The following SLC25A48 variants were observed in gnomAD, a reference collection of about 807,000 sequenced individuals.
SLC25A48 encodes the protein solute carrier family 25 member 48.
Under a neutral mutation model 32.2 loss-of-function variants are expected in SLC25A48, and 29 were observed. The observed-to-expected ratio is 0.90, with a 90% confidence interval of 0.67 to 1.23. The LOEUF is 1.23. Ranked by LOEUF, SLC25A48 falls within the 50% of genes most tolerant of loss-of-function variation. The probability of loss-of-function intolerance (pLI) is 0.00; values close to 1 mark genes in which losing one functional copy is unlikely to be tolerated. For synonymous variants in SLC25A48, 164 were observed against 172.3 expected, an observed-to-expected ratio of 0.95 and a Z score of 0.38; for missense variants, 399 against 422.7, an observed-to-expected ratio of 0.94 and a Z score of 0.49.
chr5:135,849,722 A>G (rs1759682822), intron 2 of SLC25A48, among the ~76,000 whole-genome samples: 1 of 152,206 alleles, frequency 6.6e-6, no homozygotes, highest in Non-Finnish European at 1.5e-5. Flanking sequence ...AGCTGGAGGA[A>G]GAGCCTTCCA....
At chr5:135,587,836 A>T (rs570785246) in intron 1 of SLC25A48, among the ~76,000 whole-genome samples, 1 of 152,240 alleles carries the variant, frequency 6.6e-6, no homozygotes, top group Non-Finnish European at 1.5e-5. Flanking sequence ...ACATAATGGA[A>T]TCATATCAAA....
intron 3 of SLC25A48, among the ~76,000 whole-genome samples, chr5:135,665,500 A>G (rs1753501024): frequency 6.6e-6 from 1 of 151,974 alleles, no homozygotes; most frequent in South Asian, 2.1e-4. Flanking sequence ...TTAGTCATGA[A>G]TTCTTTGCCA....
At chr5:135,730,762 G>A (rs116010637) in intron 3 of SLC25A48, among the ~76,000 whole-genome samples, 1,697 of 152,274 alleles carry the variant, frequency 0.011, 31 homozygotes, top group African/African-American at 0.039. Flanking sequence ...ATAATGATAT[G>A]GACAAGAAAT....
chr5:135,679,029 G>C (rs562746684), intron 3 of SLC25A48, among the ~76,000 whole-genome samples: 1 of 152,292 alleles, frequency 6.6e-6, no homozygotes, highest in Non-Finnish European at 1.5e-5. Flanking sequence ...AGCTTGCTTG[G>C]GTGCTGGTAG....
intron 1 of SLC25A48, among the ~76,000 whole-genome samples, chr5:135,841,350 T>A (rs1014185210): frequency 1.1e-4 from 17 of 152,372 alleles, no homozygotes; most frequent in Admixed American, 6.5e-5. Context: ...TTCTGTAGGA[T>A]GTCTTCACTT....
intron 1 of SLC25A48, among the ~76,000 whole-genome samples, chr5:135,611,705 C>T (rs1406782233): frequency 1.3e-5 from 2 of 152,054 alleles, no homozygotes; most frequent in African/African-American, 4.8e-5. Flanking sequence ...GTGTGAGACT[C>T]TGTCTCAAAA....
intron 3 of SLC25A48, among the ~76,000 whole-genome samples, chr5:135,811,827 A>C (rs553319991): frequency 1.3e-5 from 2 of 152,222 alleles, no homozygotes; most frequent in Admixed American, 6.5e-5. Context: ...CATGCCTATA[A>C]GCTCAGCACT....
intron 3 of SLC25A48, among the ~76,000 whole-genome samples, chr5:135,766,369 T>A (rs1012076239): frequency 1.3e-5 from 2 of 150,994 alleles, no homozygotes; most frequent in African/African-American, 4.9e-5. Flanking sequence ...GGGGGAAGAA[T>A]GATATTACTC....
rs114191066 is a variant in SLC25A48, at chr5:135,796,030, C to T, written c.-520-16493C>T. 8.1e-3 allele frequency among the ~76,000 whole-genome samples: 1,190 copies of T among 147,734 alleles called. 9 individuals carry two copies. The highest frequency in any genetic ancestry group is 0.026 in the African/African-American group (1,038 of 40,286). ...CGCGAGGGGGGGGTGGGTGTAACTG[C>T]CCACTTATGATATTGTTCCTAATAT... On this transcript the variant is annotated intron_variant, in intron 3 of 10. Coordinates refer to the SLC25A48 transcript ENST00000646290.
chr5:135,805,695 G>T lies in SLC25A48; in HGVS notation c.-520-6828G>T, dbSNP rs191108482. Among the ~76,000 whole-genome samples the T allele has an allele frequency of 5.3e-3, 809 of 151,508 alleles. 3 individuals carry two copies. Among genetic ancestry groups the T allele is most frequent in the Middle Eastern group, 0.017 (5 of 292 alleles). ...GATATTATTCATAATATCTTAAGGG[G>T]ATATTACTTCTAATATCCCAGTGGG... On this transcript the variant is annotated intron_variant, in intron 3 of 10. Coordinates refer to the SLC25A48 transcript ENST00000646290.
chr5:135,827,340 C>G (rs533654062), intron 4 of SLC25A48: 43 of 152,418 alleles, frequency 2.8e-4, no homozygotes, highest in African/African-American at 1.0e-3. Flanking sequence ...ATGCCCTCAC[C>G]TGCTCACATG....
intron 3 of SLC25A48, among the ~76,000 whole-genome samples, chr5:135,795,381 T>C (rs1757142564): frequency 6.6e-6 from 1 of 151,834 alleles, no homozygotes; most frequent in Admixed American, 6.6e-5. Context: ...GAAAATAATA[T>C]TAATCCCAAT....
intron 1 of SLC25A48, among the ~76,000 whole-genome samples, chr5:135,600,047 C>T (rs1041388212): frequency 2.0e-5 from 3 of 152,286 alleles, no homozygotes; most frequent in Middle Eastern, 3.4e-3. Context: ...CTCAATATCT[C>T]ACTCATCACT....
intron 3 of SLC25A48, among the ~76,000 whole-genome samples, chr5:135,776,916 T>A (rs1756578722): frequency 6.6e-6 from 1 of 151,968 alleles, no homozygotes; most frequent in Non-Finnish European, 1.5e-5. Context: ...CTGCAAATAT[T>A]GCAGGGGCTG....
At chr5:135,725,608 C>T (rs1755070986) in intron 3 of SLC25A48, among the ~76,000 whole-genome samples, 1 of 152,154 alleles carries the variant, frequency 6.6e-6, no homozygotes, top group Admixed American at 6.5e-5. Flanking sequence ...GGCTGTATTC[C>T]TCCTTTGCCT....
intron 3 of SLC25A48, among the ~76,000 whole-genome samples, chr5:135,781,431 C>A (rs34605698): frequency 0.51 from 59,141 of 115,080 alleles, 22,634 homozygotes; most frequent in Middle Eastern, 0.69. Flanking sequence ...ACAAGAGGTG[C>A]ACAACCCTTT....
intron 3 of SLC25A48, among the ~76,000 whole-genome samples, chr5:135,636,849 C>G (rs1315764658): frequency 6.6e-6 from 1 of 152,216 alleles, no homozygotes; most frequent in African/African-American, 2.4e-5. Flanking sequence ...CTATTGATAG[C>G]CAAACCAAGC....
At chr5:135,658,265 A>C (rs801549) in intron 3 of SLC25A48, among the ~76,000 whole-genome samples, 42,416 of 152,170 alleles carry the variant, frequency 0.28, 6,441 homozygotes, top group East Asian at 0.62. Flanking sequence ...GAAATTAGTC[A>C]AAACAAAGGA....
At position 135,882,956 on chromosome 5, in the gene SLC25A48, C is replaced by T. The variant is rs570429551; in HGVS notation, c.*7+2859C>T. ...GCCTCTGCCAGTCTGTACTTTGCCT[C>T]TTACTGCTTCACAAACCCAGTCTCC... On this transcript the variant is annotated intron_variant, in intron 7 of 7. Transcript: ENST00000681962. 8 of 787,904 alleles carry T rather than the reference C, an allele frequency of 1.0e-5. No homozygotes were observed. The African/African-American group carries it at 1.3e-4, about 13-fold the overall frequency. 48.8% of individuals were successfully genotyped at this position (787,904 alleles called of 1,614,324 possible).
Sources: gnomAD v4.1 joint callset for allele counts (sites outside exome capture counted in the v4.1 genomes callset) on GRCh38, gnomAD v4.1.1 for gene constraint, MANE v1.5 for transcripts, NCBI Gene and HGNC (gene_info 2026-07-23, HGNC 2026-07-21) for gene names.